ZSCAN23: variants seen among roughly 807,000 people sequenced by gnomAD.
ZSCAN23 encodes the protein zinc finger and SCAN domain containing 23.
A neutral mutation model predicts 19.3 loss-of-function variants in ZSCAN23; 19 were observed. The observed-to-expected ratio is 0.99, with a 90% CI of 0.69 to 1.45. The LOEUF is 1.45. Among genes scored for constraint, ZSCAN23 ranks in the 40% most tolerant of loss-of-function variants. The pLI, the probability that ZSCAN23 is intolerant of heterozygous loss-of-function variation, is 0.00. For synonymous variants in ZSCAN23, 140 were observed against 166.2 expected, an observed-to-expected ratio of 0.84 and a Z score of 1.21; for missense variants, 372 against 462.5, an observed-to-expected ratio of 0.80 and a Z score of 1.79.
chr6:28,440,948 T>C (rs1761986574), intron 1 of ZSCAN23, among the ~76,000 whole-genome samples: 1 of 152,212 alleles, frequency 6.6e-6, no homozygotes, highest in African/African-American at 2.4e-5. Flanking sequence ...CCCCAGTTTT[T>C]TGTAATACTG....
chr6:28,425,258 GC>G, the ZSCAN23 span, among the ~76,000 whole-genome samples: 77 of 152,306 alleles, frequency 5.1e-4, no homozygotes, highest in African/African-American at 1.8e-3. Context: ...AAATAAATGT[GC>G]TATCGTCCAG....
chr6:28,441,226 C>T (rs1761993810), intron 1 of ZSCAN23, among the ~76,000 whole-genome samples: 1 of 152,122 alleles, frequency 6.6e-6, no homozygotes, highest in Non-Finnish European at 1.5e-5. Context: ...ATATATCCCA[C>T]GACCCTCACC....
the ZSCAN23 span, among the ~76,000 whole-genome samples, chr6:28,421,452 G>A: frequency 1.3e-5 from 2 of 152,082 alleles, no homozygotes; most frequent in Non-Finnish European, 2.9e-5. Flanking sequence ...GATGCAATTA[G>A]AATGTCACCA....
chr6:28,425,591 G>A, the ZSCAN23 span, among the ~76,000 whole-genome samples: 16 of 152,124 alleles, frequency 1.1e-4, no homozygotes, highest in Non-Finnish European at 2.1e-4. Context: ...GCCTCTCAAT[G>A]TGCTAGGATT....
intron 3 of ZSCAN23, 97 bp from the exon 4 acceptor site, chr6:28,435,175 G>A: frequency 7.3e-7 from 1 of 1,366,022 alleles, no homozygotes; most frequent in Non-Finnish European, 9.7e-7. Context: ...GAGAATGGGT[G>A]GAAGGGGACA....
In ZSCAN23 at chr6:28,435,907, C is replaced by T. The variant is rs753436227; in HGVS notation, c.360G>A (p.Val120=). 4 of 1,613,404 alleles carry T rather than the reference C, an allele frequency of 2.5e-6. No individual in the cohort carries two copies. The South Asian group carries it at 3.3e-5, about 13-fold the overall frequency. Reference sequence around the variant, plus strand: ...CTCTCTCCAAATCCTCCAGCACAGTCACTGCCTCCTCTCCACTCACAGGAC... The same window carrying T: ...CTCTCTCCAAATCCTCCAGCACAGTTACTGCCTCCTCTCCACTCACAGGAC... ...QHRPVSGEEA[V]TVLEDLEREL... The change falls in exon 2 of 4, where the codon GTG becomes GTA. Residue 120 remains valine, a synonymous_variant. Transcript: ENST00000289788.
At chr6:28,423,274 T>G in the ZSCAN23 span, among the ~76,000 whole-genome samples, 1 of 152,180 alleles carries the variant, frequency 6.6e-6, no homozygotes. Context: ...AATAAATAAC[T>G]CTGGCCAATA....
chr6:28,431,954 T>G (rs906179112), downstream of ZSCAN23: 1 of 152,212 alleles, frequency 6.6e-6, no homozygotes, highest in African/African-American at 2.4e-5. Context: ...TTCTTTTTTA[T>G]GTTCTTATAT....
At chr6:28,441,222 C>T (rs1379773456) in intron 1 of ZSCAN23, among the ~76,000 whole-genome samples, 1 of 152,142 alleles carries the variant, frequency 6.6e-6, no homozygotes, top group Non-Finnish European at 1.5e-5. Context: ...CATCATATAT[C>T]CCACGACCCT....
rs750568928 is a variant in ZSCAN23 at position 28,434,832 on chromosome 6, T to C, written c.803A>G (p.Gln268Arg). The C allele has an allele frequency of 4.4e-6, 7 of 1,591,658 alleles. No individual in the cohort carries two copies. Among genetic ancestry groups the C allele is most frequent in the Non-Finnish European group, 2.6e-6 (3 of 1,168,912 alleles). ...AGGCTTCTCACCTGTGTGTGTTCTCTGGTGCTCGATAAGGATGGAATTCTG... is the reference window on the plus strand; with the variant it reads ...AGGCTTCTCACCTGTGTGTGTTCTCCGGTGCTCGATAAGGATGGAATTCTG... ...FTQNSILIEH[Q>R]RTHTGEKPYE... The change falls in exon 4 of 4, where the codon CAG becomes CGG. Residue 268 changes from glutamine (Q) to arginine (R), a missense_variant. Physicochemically the swap from Gln to Arg is conservative, Grantham distance 43. Coordinates refer to ENST00000289788, the MANE Select transcript of ZSCAN23 (RefSeq NM_001012455.2).
the ZSCAN23 span, among the ~76,000 whole-genome samples, chr6:28,426,882 C>A: frequency 6.6e-6 from 1 of 152,202 alleles, no homozygotes; most frequent in Non-Finnish European, 1.5e-5. Flanking sequence ...GCGATCTCGG[C>A]TCACTGCAGC....
Position 28,436,359 on chromosome 6 carries a change from C to T in ZSCAN23, c.-77-16G>A, listed in dbSNP as rs962846449. On this transcript the variant is annotated splice_polypyrimidine_tract_variant and intron_variant, in intron 1 of 3. Coordinates refer to ENST00000289788, the MANE Select transcript of ZSCAN23 (RefSeq NM_001012455.2). ...ACCCCGAGATCTAGACAATAATTTA[C>T]GAAGAAAAAAATATAAAAATGCAGA... 4.6e-5 allele frequency: 60 copies of T among 1,305,130 alleles called. No homozygotes were observed. Among genetic ancestry groups the T allele is most frequent in the Middle Eastern group, 2.7e-4 (1 of 3,760 alleles). 80.8% of individuals were successfully genotyped at this position (1,305,130 alleles called of 1,614,324 possible).
chr6:28,421,412 T>G, the ZSCAN23 span, among the ~76,000 whole-genome samples: 1 of 152,136 alleles, frequency 6.6e-6, no homozygotes, highest in African/African-American at 2.4e-5. Flanking sequence ...TTTATATAAC[T>G]ATTCCAGCTT....
the ZSCAN23 span, among the ~76,000 whole-genome samples, chr6:28,423,150 G>A: frequency 2.5e-4 from 38 of 152,194 alleles, no homozygotes; most frequent in African/African-American, 8.9e-4. Flanking sequence ...TGGAACACAC[G>A]ATGGGAGGGC....
chr6:28,437,929 C>G (rs1761925915), intron 1 of ZSCAN23, among the ~76,000 whole-genome samples: 1 of 151,864 alleles, frequency 6.6e-6, no homozygotes. Context: ...AGCCTGGGAA[C>G]AGATTTTGTG....
At chr6:28,430,755 CCAT>C (rs1192904447), downstream of ZSCAN23, among the ~76,000 whole-genome samples, 2 of 152,150 alleles carry the variant, frequency 1.3e-5, no homozygotes, top group East Asian at 3.9e-4. Context: ...GTCTTTGGTA[CCAT>C]CAAGTGGCAA....
At chr6:28,443,227 T>C (rs960677312) in intron 1 of ZSCAN23, among the ~76,000 whole-genome samples, 172 bp downstream of exon 1, 2 of 152,128 alleles carry the variant, frequency 1.3e-5, no homozygotes, top group Admixed American at 6.5e-5. Context: ...ACGCTGACTT[T>C]TGGTTAACAA....
the ZSCAN23 span, among the ~76,000 whole-genome samples, chr6:28,425,169 A>G: frequency 6.6e-6 from 1 of 152,326 alleles, no homozygotes; most frequent in South Asian, 2.1e-4. Flanking sequence ...ATGAGCAGTA[A>G]TATTTCGAAA....
At chr6:28,438,302 G>C (rs1761932940) in intron 1 of ZSCAN23, among the ~76,000 whole-genome samples, 1 of 152,024 alleles carries the variant, frequency 6.6e-6, no homozygotes, top group African/African-American at 2.4e-5. Context: ...GTACCATGTT[G>C]GCCAGGCTGG....
Sources: allele counts gnomAD v4.1 joint callset (sites outside exome capture counted in the v4.1 genomes callset), GRCh38; gene constraint gnomAD v4.1.1; transcripts MANE v1.5; gene names NCBI Gene and HGNC (gene_info 2026-07-23, HGNC 2026-07-21).